Variants in INTS7 observed in about 807,000 individuals in gnomAD.
INTS7 encodes the protein integrator complex subunit 7.
Under a neutral mutation model 109.2 loss-of-function variants are expected in INTS7, and 46 were observed. That is an observed-to-expected ratio of 0.42 (90% CI 0.33 to 0.54). The LOEUF is 0.54. INTS7 is among the 20% of genes least tolerant of loss of function. The pLI, the probability that INTS7 is intolerant of heterozygous loss-of-function variation, is 0.07. For synonymous variants in INTS7, 412 were observed against 402.9 expected, an observed-to-expected ratio of 1.02 and a Z score of -0.27; for missense variants, 929 against 1,132.4, an observed-to-expected ratio of 0.82 and a Z score of 2.58.
chr1:212,010,512 C>A (rs1408568559), intron 5 of INTS7, among the ~76,000 whole-genome samples: 1 of 152,136 alleles, frequency 6.6e-6, no homozygotes, highest in Non-Finnish European at 1.5e-5. Flanking sequence ...ATATTAGCCT[C>A]TCTCACACAG....
chr1:212,013,010 T>C (rs767385963), intron 4 of INTS7, among the ~76,000 whole-genome samples: 2 of 152,230 alleles, frequency 1.3e-5, no homozygotes, highest in Non-Finnish European at 2.9e-5. Context: ...ATGGTAATTA[T>C]TCCCTAGGCA....
At chr1:211,974,272 A>ATATATAT (rs1553249472) in intron 13 of INTS7, among the ~76,000 whole-genome samples, 2,035 of 61,332 alleles carry the variant, frequency 0.033, 36 homozygotes, top group South Asian at 0.046. Flanking sequence ...TCCCAGAAAA[A>ATATATAT]AAAAATATAT....
At chr1:211,956,238 T>C (rs929399635) in intron 16 of INTS7, among the ~76,000 whole-genome samples, 10 of 152,216 alleles carry the variant, frequency 6.6e-5, no homozygotes, top group African/African-American at 2.4e-4. Flanking sequence ...GGACTCTTAA[T>C]CCTACCCTTA....
intron 1 of INTS7, among the ~76,000 whole-genome samples, chr1:212,022,002 C>T (rs77075608): frequency 0.026 from 3,974 of 152,176 alleles, 59 homozygotes; most frequent in African/African-American, 0.046. Context: ...AGGTTTATAT[C>T]AAGAAAGAAG....
At chr1:211,980,077 A>T (rs1664589103) in intron 10 of INTS7, among the ~76,000 whole-genome samples, 1 of 152,208 alleles carries the variant, frequency 6.6e-6, no homozygotes, top group Non-Finnish European at 1.5e-5. Context: ...CAATTGTTGG[A>T]AAAAAGATTT....
At chr1:212,034,383 A>C (rs1250848826) in intron 1 of INTS7, among the ~76,000 whole-genome samples, 1 of 152,178 alleles carries the variant, frequency 6.6e-6, no homozygotes, top group Non-Finnish European at 1.5e-5. Context: ...AAGTTAATAG[A>C]CATGTCCAAC....
chr1:212,019,101 GAT>G (rs941845233), intron 3 of INTS7, among the ~76,000 whole-genome samples: 2 of 152,016 alleles, frequency 1.3e-5, no homozygotes, highest in African/African-American at 4.8e-5. Context: ...AGTAAAAAAA[GAT>G]AGTTGAGTGT....
In INTS7 at chr1:211,942,592, A is replaced by C. The variant is rs146418449; in HGVS notation, c.2602-481T>G. On this transcript the variant is annotated intron_variant, in intron 19 of 19. Coordinates refer to ENST00000366994, the MANE Select transcript of INTS7 (RefSeq NM_015434.4). This position sits in a 1 kb window ranked among gnomAD's most constrained non-coding sequence, Gnocchi z 4.2. ...ACAAAACACTAAGCAAATTTAAGTTAGGTTCCCCCCCAACAGTTAGTCTGA... is the reference window on the plus strand; with the variant it reads ...ACAAAACACTAAGCAAATTTAAGTTCGGTTCCCCCCCAACAGTTAGTCTGA... Among the ~76,000 whole-genome samples the C allele has an allele frequency of 3.5e-3, 539 of 152,338 alleles. 3 individuals are homozygous for C. Among genetic ancestry groups the C allele is most frequent in the Middle Eastern group, 0.014 (4 of 294 alleles).
At chr1:212,000,909 A>G (rs1665638130) in intron 7 of INTS7, among the ~76,000 whole-genome samples, 1 of 152,104 alleles carries the variant, frequency 6.6e-6, no homozygotes, top group Admixed American at 6.6e-5. Context: ...TTCCAGTCTC[A>G]CCCACTCAAG....
In INTS7 at chr1:211,942,134, TAAC is replaced by T. The variant is rs768882330; in HGVS notation, c.2602-26_2602-24del. ...TATCTGCAATGAAACAATTGTTAACTAACAACAATGGCTAACATTTCTTCAGTG... is the reference window on the plus strand; with the variant it reads ...TATCTGCAATGAAACAATTGTTAACTAACAATGGCTAACATTTCTTCAGTG... On this transcript the variant is annotated intron_variant, in intron 19 of 19. Transcript: ENST00000366994. The surrounding 1 kb of genome is among the most constrained non-coding windows in gnomAD (Gnocchi z 4.2). 3 of 1,606,708 alleles carry T rather than the reference TAAC, an allele frequency of 1.9e-6. No homozygotes were observed. Among genetic ancestry groups the T allele is most frequent in the Admixed American group, 1.7e-5 (1 of 59,720 alleles).
chr1:211,997,820 A>C (rs1419511350), intron 7 of INTS7, among the ~76,000 whole-genome samples: 1 of 149,656 alleles, frequency 6.7e-6, no homozygotes, highest in South Asian at 2.2e-4. Context: ...TGGAGGCTGC[A>C]GTAAGCTGAG....
intron 1 of INTS7, among the ~76,000 whole-genome samples, chr1:212,030,365 T>C (rs1443561731): frequency 6.6e-6 from 1 of 151,924 alleles, no homozygotes; most frequent in South Asian, 2.1e-4. Flanking sequence ...CTCAGCTCAC[T>C]GCAACCTCTG....
In INTS7 at chr1:211,987,971, A is replaced by G. The variant is rs1019085707; in HGVS notation, c.912T>C (p.Tyr304=). 1 of 1,611,638 alleles carries G rather than the reference A, an allele frequency of 6.2e-7. No homozygotes were observed. Among genetic ancestry groups the G allele is most frequent in the Non-Finnish European group, 8.5e-7 (1 of 1,178,056 alleles). ...ACAACATCCCTAGTTTTAAGCTGTC[A>G]TAAGGAGTCTGGAGGGCACACTCAC... ...ALCECALQTP[Y]DSLKLGMLSV... The change falls in exon 8 of 20, where the codon TAT becomes TAC. Residue 304 remains tyrosine, a synonymous_variant. Transcript: ENST00000366994.
At position 211,942,635 on chromosome 1, in the gene INTS7, A is replaced by G. The variant is rs1225672501; in HGVS notation, c.2602-524T>C. Among the ~76,000 whole-genome samples the G allele has an allele frequency of 6.6e-6, 1 of 152,238 alleles. No homozygotes were observed. The highest frequency in any genetic ancestry group is 2.4e-5 in the African/African-American group (1 of 41,468). On this transcript the variant is annotated intron_variant, in intron 19 of 19. Coordinates refer to ENST00000366994, the MANE Select transcript of INTS7 (RefSeq NM_015434.4). This position sits in a 1 kb window ranked among gnomAD's most constrained non-coding sequence, Gnocchi z 4.2. ...TAGTCTGATTTTTATTACTTAATGT[A>G]GTGATTCCTTACTCCTTTAACAAAT...
chr1:211,940,933 C>T lies in INTS7; in HGVS notation c.*891G>A, dbSNP rs1299885599. 6.6e-6 allele frequency: 1 copy of T among 152,114 alleles called. No homozygotes were observed. Among genetic ancestry groups the T allele is most frequent in the Non-Finnish European group, 1.5e-5 (1 of 68,034 alleles). The allele number at this position is 152,114 out of a possible 1,614,324, so 9.4% of individuals were successfully genotyped here. A position where few individuals can be genotyped will look rare whatever the true frequency, so the allele number is the denominator to read the frequency against. On this transcript the variant is annotated 3_prime_UTR_variant, in exon 20 of 20. Transcript: ENST00000366994. Reference sequence around the variant, plus strand: ...AACAAATTAATTTTCTATGAAATTGCTAGCTGCTCTTTGTTTCAATTAAAT... The same window carrying T: ...AACAAATTAATTTTCTATGAAATTGTTAGCTGCTCTTTGTTTCAATTAAAT...
intron 7 of INTS7, among the ~76,000 whole-genome samples, chr1:212,006,271 C>T (rs764565987): frequency 2.0e-5 from 3 of 152,042 alleles, no homozygotes; most frequent in Non-Finnish European, 4.4e-5. Context: ...CCCATCCAGC[C>T]CTACCTCCAT....
At chr1:211,964,171 C>G (rs1663768045) in intron 16 of INTS7, among the ~76,000 whole-genome samples, 1 of 152,088 alleles carries the variant, frequency 6.6e-6, no homozygotes, top group South Asian at 2.1e-4. Context: ...TATAAAAAAT[C>G]ACTAGTATTC....
At position 211,941,594 on chromosome 1, in the gene INTS7, G is replaced by A; in HGVS notation, c.*230C>T. 1.8e-6 allele frequency: 1 copy of A among 551,846 alleles called. No homozygotes were observed. The allele number at this position is 551,846 out of a possible 1,614,324, so 34.2% of individuals were successfully genotyped here. The stretch of plus-strand genomic sequence containing the variant: ...CAGGATGGTCTTGATCTCCTCGTGA[G>A]CCGCCCACCTCAGCCTCCCAAAGTG... On this transcript the variant is annotated 3_prime_UTR_variant, in exon 20 of 20. Transcript: ENST00000366994.
At chr1:211,968,910 G>T (rs894058956) in intron 13 of INTS7, among the ~76,000 whole-genome samples, 1 of 152,102 alleles carries the variant, frequency 6.6e-6, no homozygotes, top group African/African-American at 2.4e-5. Flanking sequence ...AAAACTGTAT[G>T]TACAACCACT....
Sources: gnomAD v4.1 joint callset for allele counts (sites outside exome capture counted in the v4.1 genomes callset) on GRCh38, gnomAD v4.1.1 for gene constraint, Gnocchi (gnomAD v3.1) non-coding constraint, MANE v1.5 for transcripts, NCBI Gene and HGNC (gene_info 2026-07-23, HGNC 2026-07-21) for gene names.